MAPK8IP1: variants seen among roughly 807,000 people sequenced by gnomAD.
The protein encoded by MAPK8IP1 is mitogen-activated protein kinase 8 interacting protein 1, also known as C-Jun-amino-terminal kinase-interacting protein 1.
Under a neutral mutation model 72.6 loss-of-function variants are expected in MAPK8IP1, and 17 were observed. The observed-to-expected ratio is 0.23, with a 90% CI of 0.16 to 0.35. The LOEUF is 0.35. Ranked by LOEUF, MAPK8IP1 falls within the 10% of genes least tolerant of loss-of-function variation. The pLI is 1.00. For missense variants in MAPK8IP1, 789 were observed against 1,009.7 expected, an observed-to-expected ratio of 0.78 and a Z score of 2.96; for synonymous variants, 401 against 443.4, an observed-to-expected ratio of 0.90 and a Z score of 1.20.
intron 2 of MAPK8IP1, 53 bp downstream of exon 2, chr11:45,898,243 C>A: frequency 8.0e-7 from 1 of 1,250,166 alleles, no homozygotes; most frequent in Non-Finnish European, 1.2e-6. Context: ...AGGCTAGGGA[C>A]AGGGGTAAGG....
At chr11:45,890,016 C>T (rs1348476951) in intron 1 of MAPK8IP1, among the ~76,000 whole-genome samples, 1 of 152,188 alleles carries the variant, frequency 6.6e-6, no homozygotes, top group Admixed American at 6.5e-5. Flanking sequence ...GGTCAAGGGA[C>T]CCAGGCTCAG....
In MAPK8IP1 at chr11:45,904,714, G is replaced by A. The variant is rs1254922997; in HGVS notation, c.1777-4G>A. On this transcript the variant is annotated splice_polypyrimidine_tract_variant and splice_region_variant and intron_variant, in intron 8 of 11. Transcript: ENST00000241014. The surrounding 1 kb of genome is among the most constrained non-coding windows in gnomAD (Gnocchi z 6.4). The stretch of plus-strand genomic sequence containing the variant: ...GCTGACGTGGCTCCATTTGTCACCT[G>A]TAGATTGCCACCACCCGCCGGCTCA... The A allele has an allele frequency of 1.2e-6, 2 of 1,613,590 alleles. No homozygotes were observed. Among genetic ancestry groups the A allele is most frequent in the Admixed American group, 1.7e-5 (1 of 60,008 alleles).
At chr11:45,887,462 A>G (rs186160649) in intron 1 of MAPK8IP1, among the ~76,000 whole-genome samples, 2 of 152,186 alleles carry the variant, frequency 1.3e-5, no homozygotes, top group African/African-American at 4.8e-5. Flanking sequence ...TGCCCATTTT[A>G]TAGATGAGGT....
chr11:45,892,903 G>T (rs1433470760), intron 1 of MAPK8IP1, among the ~76,000 whole-genome samples: 2 of 152,190 alleles, frequency 1.3e-5, no homozygotes, highest in Non-Finnish European at 2.9e-5. Flanking sequence ...AACCCACTTA[G>T]GGTTGAGCGG....
At position 45,903,247 on chromosome 11, in the gene MAPK8IP1, G is replaced by T; in HGVS notation, c.1417+63G>T. On this transcript the variant is annotated intron_variant, in intron 5 of 11. Transcript: ENST00000241014. The surrounding 1 kb of genome is among the most constrained non-coding windows in gnomAD (Gnocchi z 6.4). ...CCTAGCGGGGGCAGAGCCAAAATGC[G>T]AAGTGTTCTGGGAGGCGACCCCAGG... 1 of 1,584,186 alleles carries T rather than the reference G, an allele frequency of 6.3e-7. No individual in the cohort carries two copies.
chr11:45,892,894 A>G (rs1222965638), intron 1 of MAPK8IP1, among the ~76,000 whole-genome samples: 1 of 152,148 alleles, frequency 6.6e-6, no homozygotes, highest in Non-Finnish European at 1.5e-5. Flanking sequence ...GAAATGGGGA[A>G]CCCACTTAGG....
At chr11:45,889,720 C>T (rs2086552331) in intron 1 of MAPK8IP1, among the ~76,000 whole-genome samples, 1 of 152,058 alleles carries the variant, frequency 6.6e-6, no homozygotes, top group Admixed American at 6.5e-5. Context: ...GAGTGGCTCC[C>T]CCAAGAGCAC....
intron 1 of MAPK8IP1, among the ~76,000 whole-genome samples, chr11:45,892,807 C>T (rs1018878989): frequency 1.3e-5 from 2 of 152,186 alleles, no homozygotes; most frequent in Admixed American, 6.5e-5. Flanking sequence ...GGAAGAGTGA[C>T]CAGACCAGAT....
Position 45,905,397 on chromosome 11 carries a change from G to A in MAPK8IP1, c.2063+148G>A, listed in dbSNP as rs1168804009. 1.4e-5 allele frequency: 12 copies of A among 853,004 alleles called. No individual in the cohort carries two copies. The East Asian group carries it at 2.6e-4, about 19-fold the overall frequency. 52.8% of individuals were successfully genotyped at this position (853,004 alleles called of 1,614,324 possible). A position where few individuals can be genotyped will look rare whatever the true frequency, so the allele number is the denominator to read the frequency against. ...CGGACCCCAGTGCGGGTGGCCTGGAGGGAGGGTGGCGCGGCAGGGTGAGCC... is the reference window on the plus strand; with the variant it reads ...CGGACCCCAGTGCGGGTGGCCTGGAAGGAGGGTGGCGCGGCAGGGTGAGCC... On this transcript the variant is annotated intron_variant, in intron 11 of 11. Transcript: ENST00000241014.
In MAPK8IP1 at chr11:45,904,304, C is replaced by A; in HGVS notation, c.1666+143C>A. 1 of 1,218,134 alleles carries A rather than the reference C, an allele frequency of 8.2e-7. No individual in the cohort carries two copies. Among genetic ancestry groups the A allele is most frequent in the Non-Finnish European group, 1.2e-6 (1 of 844,436 alleles). The allele number at this position is 1,218,134 out of a possible 1,614,324, so 75.5% of individuals were successfully genotyped here. A position where few individuals can be genotyped will look rare whatever the true frequency, so the allele number is the denominator to read the frequency against. ...ATTTTAGGTCCTTTTCACGATCAAG[C>A]AAAGTGAGGCCCGGCCAAGTTGGGC... is the stretch of plus-strand genomic sequence containing the variant. On this transcript the variant is annotated intron_variant, in intron 7 of 11. Transcript: ENST00000241014. The surrounding 1 kb of genome is among the most constrained non-coding windows in gnomAD (Gnocchi z 6.4).
Position 45,904,855 on chromosome 11 carries a change from C to T in MAPK8IP1, c.1893+21C>T, listed in dbSNP as rs762094588. 1 of 1,612,268 alleles carries T rather than the reference C, an allele frequency of 6.2e-7. No homozygotes were observed. Among genetic ancestry groups the T allele is most frequent in the Non-Finnish European group, 8.5e-7 (1 of 1,178,380 alleles). On this transcript the variant is annotated intron_variant, in intron 9 of 11. Coordinates refer to ENST00000241014, the MANE Select transcript of MAPK8IP1 (RefSeq NM_005456.4). The surrounding 1 kb of genome is among the most constrained non-coding windows in gnomAD (Gnocchi z 6.4). ...CCAAGGTGACTTCTTCCAACCCAGC[C>T]CCTTCCTTCCATGGCCCCAAGCTCT...
Position 45,904,621 on chromosome 11 carries a change from C to G in MAPK8IP1, c.1776+57C>G. 1 of 1,596,758 alleles carries G rather than the reference C, an allele frequency of 6.3e-7. No homozygotes were observed. The highest frequency in any genetic ancestry group is 8.6e-7 in the Non-Finnish European group (1 of 1,164,430). ...GATGGGTCCCTGGGGCAGAGGGACGCAGGTGTCTAGAGGCAGTAAAGGGCT... is the reference window on the plus strand; with the variant it reads ...GATGGGTCCCTGGGGCAGAGGGACGGAGGTGTCTAGAGGCAGTAAAGGGCT... On this transcript the variant is annotated intron_variant, in intron 8 of 11. Coordinates refer to ENST00000241014, the MANE Select transcript of MAPK8IP1 (RefSeq NM_005456.4). This position sits in a 1 kb window ranked among gnomAD's most constrained non-coding sequence, Gnocchi z 6.4.
intron 1 of MAPK8IP1, chr11:45,896,579 G>T (rs1565072264): frequency 2.4e-6 from 3 of 1,273,218 alleles, no homozygotes; most frequent in African/African-American, 1.5e-5. Context: ...CGTGAGGGAG[G>T]CGGCCACAGC....
In MAPK8IP1 at chr11:45,902,207, G is replaced by A; in HGVS notation, c.604+146G>A. On this transcript the variant is annotated intron_variant, in intron 4 of 11. Coordinates refer to ENST00000241014, the MANE Select transcript of MAPK8IP1 (RefSeq NM_005456.4). This position sits in a 1 kb window ranked among gnomAD's most constrained non-coding sequence, Gnocchi z 9.3. Reference sequence around the variant, plus strand: ...CTGCACGAGCCCATCCAGGGGCTGAGATCAGTGGTGGCATGAGTGAGTTGA... The same window carrying A: ...CTGCACGAGCCCATCCAGGGGCTGAAATCAGTGGTGGCATGAGTGAGTTGA... The A allele has an allele frequency of 1.0e-6, 1 of 988,558 alleles. No individual in the cohort carries two copies. The highest frequency in any genetic ancestry group is 1.6e-6 in the Non-Finnish European group (1 of 618,876). The allele number at this position is 988,558 out of a possible 1,614,324, so 61.2% of individuals were successfully genotyped here.
Position 45,896,898 on chromosome 11 carries a change from A to G in MAPK8IP1, c.102-1187A>G, listed in dbSNP as rs571849678. 1.0e-5 allele frequency: 16 copies of G among 1,564,382 alleles called. No homozygotes were observed. The East Asian group carries it at 3.8e-4, about 37-fold the overall frequency. ...GCTCTCCATGCAGCTGGTGCTGAAG[A>G]TGGATTCGAGCCCAGACAATGACAG... On this transcript the variant is annotated intron_variant, in intron 1 of 11. Transcript: ENST00000241014.
rs1254983501 is a variant in MAPK8IP1, at chr11:45,904,074, G to C, written c.1579G>C (p.Glu527Gln). 1.2e-6 allele frequency: 2 copies of C among 1,614,020 alleles called. No individual in the cohort carries two copies. The highest frequency in any genetic ancestry group is 1.7e-6 in the Non-Finnish European group (2 of 1,180,014). The change falls in exon 7 of 12, where the codon GAG (glutamate) becomes CAG (glutamine). Residue 527 changes from glutamate to glutamine, a missense_variant. Physicochemically the swap from Glu to Gln is conservative, Grantham distance 29. Coordinates refer to ENST00000241014, the MANE Select transcript of MAPK8IP1 (RefSeq NM_005456.4). This position sits in a 1 kb window ranked among gnomAD's most constrained non-coding sequence, Gnocchi z 6.4. ...GCTCCAGGCTGAAGACTACTGGTAC[G>C]AGGCCTACAACATGCGCACTGGTGC... is the stretch of plus-strand genomic sequence containing the variant. ...VELQAEDYWY[E>Q]AYNMRTGARG...
At chr11:45,901,571 C>T (rs1004839593) in intron 3 of MAPK8IP1, among the ~76,000 whole-genome samples, 1 of 152,144 alleles carries the variant, frequency 6.6e-6, no homozygotes, top group African/African-American at 2.4e-5. Flanking sequence ...CTGTCTCTGA[C>T]TTGGGCTGGA....
At chr11:45,905,407 C>T (rs1450843700) in intron 11 of MAPK8IP1, among the ~76,000 whole-genome samples, 158 bp downstream of exon 11, 1 of 152,164 alleles carries the variant, frequency 6.6e-6, no homozygotes, top group Admixed American at 6.5e-5. Flanking sequence ...GGGAGGGTGG[C>T]GCGGCAGGGT....
Position 45,902,086 on chromosome 11 carries a change from C to G in MAPK8IP1, c.604+25C>G. On this transcript the variant is annotated intron_variant, in intron 4 of 11. Transcript: ENST00000241014. This position sits in a 1 kb window ranked among gnomAD's most constrained non-coding sequence, Gnocchi z 9.3. ...GGTAAGTCAGGGCCCTCTTCCTTAC[C>G]TGGACCTCCGCCTGCCCTGACTCAG... The G allele has an allele frequency of 1.3e-6, 2 of 1,595,796 alleles. No individual in the cohort carries two copies. The highest frequency in any genetic ancestry group is 1.7e-6 in the Non-Finnish European group (2 of 1,163,258).
Sources: gnomAD v4.1 joint callset for allele counts (sites outside exome capture counted in the v4.1 genomes callset) on GRCh38, gnomAD v4.1.1 for gene constraint, Gnocchi (gnomAD v3.1) non-coding constraint, MANE v1.5 for transcripts, NCBI Gene and HGNC (gene_info 2026-07-23, HGNC 2026-07-21) for gene names.